DOP1B: variants seen among roughly 807,000 people sequenced by gnomAD.
DOP1B encodes DOP1 leucine zipper like protein B, also known as protein DOP1B.
A neutral mutation model predicts 233.5 loss-of-function variants in DOP1B; 174 were observed. That is an observed-to-expected ratio of 0.75 (90% CI 0.66 to 0.85). The LOEUF (loss-of-function observed/expected upper bound fraction) is 0.85. DOP1B is among the 40% of genes least tolerant of loss of function. DOP1B has a pLI of 0.00. For missense variants in DOP1B, 2,652 were observed against 2,846.6 expected, an observed-to-expected ratio of 0.93 and a Z score of 1.56; for synonymous variants, 1,190 against 1,185.6, an observed-to-expected ratio of 1.00 and a Z score of -0.08.
At chr21:36,167,631 A>G (rs561691999) in intron 2 of DOP1B, among the ~76,000 whole-genome samples, 1 of 152,180 alleles carries the variant, frequency 6.6e-6, no homozygotes, top group South Asian at 2.1e-4. Context: ...ATGTTGTGTA[A>G]CCCTTACTAT....
At chr21:36,272,712 C>T (rs1325760639) in intron 27 of DOP1B, among the ~76,000 whole-genome samples, 5 of 148,794 alleles carry the variant, frequency 3.4e-5, no homozygotes, top group African/African-American at 7.5e-5. Context: ...AGGCCGGGCG[C>T]GGTGGCTCAC....
chr21:36,225,010 C>T (rs889265723), intron 11 of DOP1B, among the ~76,000 whole-genome samples: 2 of 151,948 alleles, frequency 1.3e-5, no homozygotes, highest in Admixed American at 6.6e-5. Context: ...TACTCCAGGT[C>T]TCCTGGGAGA....
chr21:36,248,707 T>C, intron 21 of DOP1B, 139 bp downstream of exon 21: 1 of 825,816 alleles, frequency 1.2e-6, no homozygotes, highest in Non-Finnish European at 1.7e-6. Flanking sequence ...TAGAAATCTC[T>C]AGTTCATTTG....
chr21:36,169,170 CCA>C, intron 2 of DOP1B: 1 of 1,023,914 alleles, frequency 9.8e-7, no homozygotes, highest in Non-Finnish European at 1.5e-6. Flanking sequence ...TTGGTTCCCA[CCA>C]CACAGCCTTT....
intron 15 of DOP1B, among the ~76,000 whole-genome samples, chr21:36,233,303 A>G (rs1016690430): frequency 1.3e-5 from 2 of 152,216 alleles, no homozygotes; most frequent in African/African-American, 4.8e-5. Context: ...TGGGCCTGCC[A>G]GGACTGAGTG....
At chr21:36,224,849 T>A (rs1381781997) in intron 11 of DOP1B, among the ~76,000 whole-genome samples, 1 of 151,898 alleles carries the variant, frequency 6.6e-6, no homozygotes, top group African/African-American at 2.4e-5. Flanking sequence ...GCTGATAAAC[T>A]CCTGGAATTA....
At chr21:36,284,342 C>T (rs2067457666) in intron 32 of DOP1B, among the ~76,000 whole-genome samples, 1 of 139,620 alleles carries the variant, frequency 7.2e-6, no homozygotes, top group Admixed American at 8.0e-5. Context: ...GCAATCTCTG[C>T]TCACTGCAAT....
At chr21:36,268,707 G>T (rs2067255742) in intron 26 of DOP1B, among the ~76,000 whole-genome samples, 1 of 152,164 alleles carries the variant, frequency 6.6e-6, no homozygotes, top group Non-Finnish European at 1.5e-5. Flanking sequence ...GCAACACTCT[G>T]TCACCAGGCT....
chr21:36,250,813 G>A (rs1253549157), intron 21 of DOP1B, among the ~76,000 whole-genome samples: 2 of 152,170 alleles, frequency 1.3e-5, no homozygotes, highest in African/African-American at 2.4e-5. Flanking sequence ...AGCCTTGCCC[G>A]GCTTCCTGCA....
In DOP1B at chr21:36,289,125, A is replaced by G; in HGVS notation, c.6434A>G (p.Glu2145Gly). 2 of 1,614,118 alleles carry G rather than the reference A, an allele frequency of 1.2e-6. No homozygotes were observed. The highest frequency in any genetic ancestry group is 1.7e-6 in the Non-Finnish European group (2 of 1,179,984). Reference sequence around the variant, plus strand: ...TCAGTGGGGGAGATACCCCAGAGTGAACTCATCTTGTATTTATCAGCTTGC... The same window carrying G: ...TCAGTGGGGGAGATACCCCAGAGTGGACTCATCTTGTATTTATCAGCTTGC... ...GPSVGEIPQS[E>G]LILYLSACKF... Residue 2145 changes from glutamate (E) to glycine (G), a missense_variant, in exon 35 of 37, where the codon GAA becomes GGA. By Grantham distance (98) the Glu-to-Gly change is moderately conservative (BLOSUM62 -2). Coordinates refer to ENST00000691173, the MANE Select transcript of DOP1B (RefSeq NM_001320714.2).
At chr21:36,277,701 C>T (rs1359484830) in intron 28 of DOP1B, among the ~76,000 whole-genome samples, 2 of 151,510 alleles carry the variant, frequency 1.3e-5, no homozygotes, top group Non-Finnish European at 2.9e-5. Flanking sequence ...TGCACTCAGG[C>T]TGGAGTGCAG....
At chr21:36,189,942 G>A (rs1275818813) in intron 2 of DOP1B, among the ~76,000 whole-genome samples, 1 of 150,284 alleles carries the variant, frequency 6.7e-6, no homozygotes, top group African/African-American at 2.5e-5. Context: ...CCTGGGAAGT[G>A]GAGGTTGCAG....
At chr21:36,173,119 C>CA (rs1332695852) in intron 2 of DOP1B, among the ~76,000 whole-genome samples, 1 of 151,714 alleles carries the variant, frequency 6.6e-6, no homozygotes, top group East Asian at 1.9e-4. Context: ...GACTCTGTCT[C>CA]AAAAAAGAGT....
intron 2 of DOP1B, among the ~76,000 whole-genome samples, chr21:36,180,867 C>T (rs538835668): frequency 6.7e-6 from 1 of 149,232 alleles, no homozygotes; most frequent in South Asian, 2.1e-4. Flanking sequence ...GGTTGTCAGA[C>T]AGAGTGAGAC....
intron 16 of DOP1B, among the ~76,000 whole-genome samples, chr21:36,237,696 G>A (rs2066843877): frequency 6.6e-6 from 1 of 152,206 alleles, no homozygotes; most frequent in African/African-American, 2.4e-5. Context: ...TTCTGCAGGT[G>A]TTGGCAAAAT....
intron 1 of DOP1B, among the ~76,000 whole-genome samples, chr21:36,158,350 G>GC (rs2065838979): frequency 6.6e-6 from 1 of 152,170 alleles, no homozygotes; most frequent in African/African-American, 2.4e-5. Context: ...TTTATCAGTA[G>GC]CATAATGTAG....
chr21:36,289,180 AC>A lies in DOP1B; in HGVS notation c.6491del (p.Pro2164LeufsTer29). ...KFLDTALSFP[P>X]DKMPLFQIYR... ...TCTTGGACACAGCGCTTTCTTTTCCACCTGACAAGATGCCATTATTTCAAAT... is the reference window on the plus strand; with the variant it reads ...TCTTGGACACAGCGCTTTCTTTTCCACTGACAAGATGCCATTATTTCAAAT... On this transcript the variant is annotated frameshift_variant, in exon 35 of 37. Transcript: ENST00000691173. LOFTEE classifies it high-confidence loss of function. 1 of 1,613,752 alleles carries A rather than the reference AC, an allele frequency of 6.2e-7. No homozygotes were observed. The highest frequency in any genetic ancestry group is 8.5e-7 in the Non-Finnish European group (1 of 1,179,962).
At chr21:36,263,716 T>A in intron 25 of DOP1B, 32 bp from the exon 26 acceptor site, 5 of 1,613,886 alleles carry the variant, frequency 3.1e-6, no homozygotes, top group Non-Finnish European at 4.2e-6. Context: ...TTCTGCAGCA[T>A]TTTTAATCTG....
intron 26 of DOP1B, among the ~76,000 whole-genome samples, chr21:36,264,620 T>C (rs35908891): frequency 0.32 from 48,212 of 151,752 alleles, 8,782 homozygotes; most frequent in East Asian, 0.58. Context: ...ATTACAGACA[T>C]GCCACCACGC....
Sources: allele counts gnomAD v4.1 joint callset (sites outside exome capture counted in the v4.1 genomes callset), GRCh38; gene constraint gnomAD v4.1.1; transcripts MANE v1.5; gene names NCBI Gene and HGNC (gene_info 2026-07-23, HGNC 2026-07-21).